Variants in GRIA1 observed in about 807,000 individuals in gnomAD.
The protein encoded by GRIA1 is glutamate receptor 1.
In GRIA1, 31 loss-of-function variants were observed where a neutral mutation model predicts 99.2. The ratio of observed to expected loss-of-function variants is 0.31; its 90% confidence interval spans 0.23 to 0.42. The LOEUF (loss-of-function observed/expected upper bound fraction) is 0.42, where lower values mean the gene tolerates loss of function less well. Ranked by LOEUF, GRIA1 falls within the 10% of genes least tolerant of loss-of-function variation. The probability of loss-of-function intolerance (pLI) is 1.00; values close to 1 mark genes in which losing one functional copy is unlikely to be tolerated. For synonymous variants in GRIA1, 438 were observed against 432.4 expected (o/e 1.01, Z -0.16); for missense variants, 782 against 1,157.5 (o/e 0.68, Z 4.71).
chr5:153,639,447 G>A (rs1753632148), intron 2 of GRIA1, among the ~76,000 whole-genome samples: 1 of 152,156 alleles, frequency 6.6e-6, no homozygotes, highest in South Asian at 2.1e-4. Context: ...CTCATTCAGA[G>A]CCTCTGTTCC....
At chr5:153,772,250 T>C (rs1013196829) in intron 13 of GRIA1, among the ~76,000 whole-genome samples, 1 of 151,730 alleles carries the variant, frequency 6.6e-6, no homozygotes, top group African/African-American at 2.4e-5. Context: ...GGAAGACAGG[T>C]CCAAAGATGT....
intron 5 of GRIA1, among the ~76,000 whole-genome samples, chr5:153,671,344 C>G (rs984269344): frequency 6.6e-6 from 1 of 152,248 alleles, no homozygotes; most frequent in African/African-American, 2.4e-5. Flanking sequence ...CCATTTCAAT[C>G]TCCCAGTAGT....
chr5:153,649,754 G>T (rs1386149618), intron 3 of GRIA1, among the ~76,000 whole-genome samples: 8 of 152,116 alleles, frequency 5.3e-5, no homozygotes, highest in Non-Finnish European at 1.0e-4. Context: ...GAGCCACTGG[G>T]CCTGGCCTGC....
chr5:153,609,248 C>A (rs1765745064), intron 2 of GRIA1, among the ~76,000 whole-genome samples: 1 of 152,140 alleles, frequency 6.6e-6, no homozygotes, highest in South Asian at 2.1e-4. Context: ...TCCTTAGATC[C>A]CAGCCCTGCT....
chr5:153,748,160 A>ATACTT (rs1331063698), intron 11 of GRIA1, among the ~76,000 whole-genome samples: 1 of 152,242 alleles, frequency 6.6e-6, no homozygotes, highest in Non-Finnish European at 1.5e-5. Flanking sequence ...AAGATCACAT[A>ATACTT]TACTTTGATA....
At chr5:153,787,651 C>T (rs1261784112) in intron 13 of GRIA1, among the ~76,000 whole-genome samples, 1 of 152,120 alleles carries the variant, frequency 6.6e-6, no homozygotes, top group Non-Finnish European at 1.5e-5. Flanking sequence ...TATAGCCATC[C>T]GTATATGAAT....
chr5:153,543,246 T>C (rs1256617388), intron 2 of GRIA1, among the ~76,000 whole-genome samples: 1 of 152,106 alleles, frequency 6.6e-6, no homozygotes, highest in African/African-American at 2.4e-5. Context: ...AGTGGTAATA[T>C]TATAATGGTG....
At chr5:153,795,100 A>T (rs1449363093) in intron 14 of GRIA1, among the ~76,000 whole-genome samples, 2 of 152,042 alleles carry the variant, frequency 1.3e-5, no homozygotes, top group Non-Finnish European at 2.9e-5. Context: ...CCTGCTCTGG[A>T]TCCTAGGCAT....
chr5:153,807,282 A>G (rs1334915634), intron 15 of GRIA1, among the ~76,000 whole-genome samples: 1 of 152,240 alleles, frequency 6.6e-6, no homozygotes, highest in East Asian at 1.9e-4. Context: ...CTGGGGATAC[A>G]GTCAAGAACA....
intron 2 of GRIA1, among the ~76,000 whole-genome samples, chr5:153,519,476 A>C (rs1756941738): frequency 6.6e-6 from 1 of 151,526 alleles, no homozygotes; most frequent in Admixed American, 6.6e-5. Context: ...GTTTTTCTGT[A>C]ACTCAGTTCT....
intron 11 of GRIA1, among the ~76,000 whole-genome samples, chr5:153,751,613 TTGAC>T: frequency 6.6e-6 from 1 of 152,334 alleles, no homozygotes; most frequent in South Asian, 2.1e-4. Flanking sequence ...TACCTGGACT[TTGAC>T]AGAAAAAGTT....
At chr5:153,491,433 C>A in intron 1 of GRIA1, 2 of 437,864 alleles carry the variant, frequency 4.6e-6, no homozygotes, top group Non-Finnish European at 6.1e-6. Context: ...TGCTGGGGGA[C>A]AGAAAAGAGA....
At chr5:153,622,904 C>A (rs1493399) in intron 2 of GRIA1, among the ~76,000 whole-genome samples, 35,356 of 152,092 alleles carry the variant, frequency 0.23, 4,529 homozygotes, top group Non-Finnish European at 0.3. Flanking sequence ...GGCCTAGATG[C>A]GGCACCTACA....
rs760268718 is a variant in GRIA1 at position 153,811,258 on chromosome 5, C to A, written c.*33C>A. 4 of 1,532,594 alleles carry A rather than the reference C, an allele frequency of 2.6e-6. No homozygotes were observed. The highest frequency in any genetic ancestry group is 1.7e-5 in the Admixed American group (1 of 59,614). The allele number at this position is 1,532,594 out of a possible 1,614,324, so 94.9% of individuals were successfully genotyped here. A position where few individuals can be genotyped will look rare whatever the true frequency, so the allele number is the denominator to read the frequency against. ...AGATGGAGACCCCTTGGGGAGCAGG[C>A]TCGGGCTCCCCAGCCCCATCCCAAA... On this transcript the variant is annotated 3_prime_UTR_variant, in exon 16 of 16. Transcript: ENST00000285900.
intron 13 of GRIA1, among the ~76,000 whole-genome samples, chr5:153,788,363 C>A (rs749088843): frequency 1.3e-5 from 2 of 152,156 alleles, no homozygotes; most frequent in Non-Finnish European, 2.9e-5. Flanking sequence ...TCCCCACTTG[C>A]CTCCCTTTAG....
chr5:153,631,482 T>C (rs149782833), intron 2 of GRIA1, among the ~76,000 whole-genome samples: 97 of 152,376 alleles, frequency 6.4e-4, no homozygotes, highest in African/African-American at 2.2e-3. Flanking sequence ...TAGTGAAATA[T>C]GAGTGCAAAA....
chr5:153,554,825 A>G (rs1760476489), intron 2 of GRIA1, among the ~76,000 whole-genome samples: 1 of 152,204 alleles, frequency 6.6e-6, no homozygotes, highest in African/African-American at 2.4e-5. Context: ...AACTCATCCA[A>G]GTGATTTTGA....
At chr5:153,771,647 G>A (rs1763890973) in intron 13 of GRIA1, among the ~76,000 whole-genome samples, 1 of 152,122 alleles carries the variant, frequency 6.6e-6, no homozygotes, top group Admixed American at 6.5e-5. Context: ...CAATGTAGCA[G>A]AACAAAATTC....
intron 2 of GRIA1, among the ~76,000 whole-genome samples, chr5:153,541,262 G>C (rs1234948093): frequency 6.6e-6 from 1 of 151,982 alleles, no homozygotes; most frequent in Middle Eastern, 3.2e-3. Context: ...TCCTTCTTCT[G>C]ACCACTCAAC....
Sources: allele counts gnomAD v4.1 joint callset (sites outside exome capture counted in the v4.1 genomes callset), GRCh38; gene constraint gnomAD v4.1.1; transcripts MANE v1.5; gene names NCBI Gene and HGNC (gene_info 2026-07-23, HGNC 2026-07-21).